The following CACNA2D1 variants were observed in gnomAD, a reference collection of about 807,000 sequenced individuals.
CACNA2D1 encodes voltage-dependent calcium channel subunit alpha-2/delta-1.
A neutral mutation model predicts 171.5 loss-of-function variants in CACNA2D1; 53 were observed. The ratio of observed to expected loss-of-function variants is 0.31; its 90% CI spans 0.25 to 0.39. The LOEUF (loss-of-function observed/expected upper bound fraction) is 0.39. Among genes scored for constraint, CACNA2D1 ranks in the 10% least tolerant of loss-of-function variants. CACNA2D1 has a pLI of 1.00. For synonymous variants in CACNA2D1, 442 were observed against 443.1 expected (o/e 1.00, Z 0.03); for missense variants, 903 against 1,299.8 (o/e 0.69, Z 4.69).
rs1301158091 is a variant in CACNA2D1, at chr7:81,946,486, G to A, written c.*3906C>T. On this transcript the variant is annotated 3_prime_UTR_variant, in exon 39 of 39. Coordinates refer to ENST00000356860, the MANE Select transcript of CACNA2D1 (RefSeq NM_000722.4). ...CTTTTATTCTGAATATACTGTTTTT[G>A]CACAAGATTTAACACAACATTTTCT... 6.6e-6 allele frequency: 1 copy of A among 151,962 alleles called. No individual in the cohort carries two copies. Among genetic ancestry groups the A allele is most frequent in the Non-Finnish European group, 1.5e-5 (1 of 67,978 alleles). The allele number at this position is 151,962 out of a possible 1,614,324, so 9.4% of individuals were successfully genotyped here. A position where few individuals can be genotyped will look rare whatever the true frequency, so the allele number is the denominator to read the frequency against.
chr7:82,405,247 T>TA (rs1043043425), intron 1 of CACNA2D1, among the ~76,000 whole-genome samples: 84 of 152,240 alleles, frequency 5.5e-4, no homozygotes, highest in African/African-American at 1.6e-3. Flanking sequence ...AGTAGTAACA[T>TA]AAAAAAATAG....
At chr7:82,431,159 T>G (rs1829640252) in intron 1 of CACNA2D1, among the ~76,000 whole-genome samples, 1 of 152,202 alleles carries the variant, frequency 6.6e-6, no homozygotes, top group South Asian at 2.1e-4. Context: ...GATGAAAGAC[T>G]GCACAGGTTT....
chr7:82,274,445 A>T (rs1276006884), intron 3 of CACNA2D1, among the ~76,000 whole-genome samples: 1 of 152,174 alleles, frequency 6.6e-6, no homozygotes, highest in Non-Finnish European at 1.5e-5. Flanking sequence ...AATAGCAAAA[A>T]TTCATGAAAC....
chr7:82,366,172 C>T (rs1285607492), intron 1 of CACNA2D1, among the ~76,000 whole-genome samples: 1 of 152,132 alleles, frequency 6.6e-6, no homozygotes, highest in African/African-American at 2.4e-5. Flanking sequence ...TTGTGTCATC[C>T]GTAGTATTTG....
chr7:81,948,725 CATTTTA>C lies in CACNA2D1; in HGVS notation c.*1661_*1666del, dbSNP rs1303365747. 1 of 151,856 alleles carries C rather than the reference CATTTTA, an allele frequency of 6.6e-6. No individual in the cohort carries two copies. The highest frequency in any genetic ancestry group is 2.4e-5 in the African/African-American group (1 of 41,390). The allele number at this position is 151,856 out of a possible 1,614,324, so 9.4% of individuals were successfully genotyped here. A position where few individuals can be genotyped will look rare whatever the true frequency, so the allele number is the denominator to read the frequency against. The stretch of plus-strand genomic sequence containing the variant: ...GCATGTTCCAAAAAAAGAAAAACTG[CATTTTA>C]TCATAAAAAATATCTACATACGTTC... On this transcript the variant is annotated 3_prime_UTR_variant, in exon 39 of 39. Coordinates refer to ENST00000356860, the MANE Select transcript of CACNA2D1 (RefSeq NM_000722.4).
At chr7:82,228,694 A>G (rs976973393) in intron 3 of CACNA2D1, among the ~76,000 whole-genome samples, 3 of 152,148 alleles carry the variant, frequency 2.0e-5, no homozygotes, top group Non-Finnish European at 2.9e-5. Flanking sequence ...GAACTTAATA[A>G]AATAGTGTAT....
intron 7 of CACNA2D1, among the ~76,000 whole-genome samples, chr7:82,073,706 T>C (rs1221027163): frequency 6.6e-6 from 1 of 152,166 alleles, no homozygotes; most frequent in Non-Finnish European, 1.5e-5. Flanking sequence ...GTTCAAGTGA[T>C]TCTCCTGCCT....
intron 9 of CACNA2D1, among the ~76,000 whole-genome samples, chr7:82,061,836 G>A (rs1052582294): frequency 1.4e-4 from 22 of 152,132 alleles, no homozygotes; most frequent in Non-Finnish European, 2.1e-4. Flanking sequence ...CTCTTGTGCT[G>A]AGCCCACTTT....
At chr7:82,083,085 A>G (rs1455938839) in intron 7 of CACNA2D1, among the ~76,000 whole-genome samples, 1 of 150,822 alleles carries the variant, frequency 6.6e-6, no homozygotes, top group Non-Finnish European at 1.5e-5. Flanking sequence ...CTTCCTCTAT[A>G]TCATCATTTT....
At chr7:82,335,619 G>A (rs1445729308) in intron 2 of CACNA2D1, among the ~76,000 whole-genome samples, 1 of 152,110 alleles carries the variant, frequency 6.6e-6, no homozygotes, top group African/African-American at 2.4e-5. Context: ...AATGGAGCAT[G>A]GGAGGTCAAA....
chr7:82,057,093 T>C (rs891717707), intron 10 of CACNA2D1, among the ~76,000 whole-genome samples: 1 of 152,180 alleles, frequency 6.6e-6, no homozygotes, highest in Non-Finnish European at 1.5e-5. Context: ...TTTTGAACCA[T>C]GGTGCTATGT....
At chr7:82,323,306 T>G (rs1016705908) in intron 3 of CACNA2D1, among the ~76,000 whole-genome samples, 4 of 152,204 alleles carry the variant, frequency 2.6e-5, no homozygotes, top group Non-Finnish European at 5.9e-5. Context: ...ATTTTTTTCT[T>G]TTTTTGCCTC....
chr7:82,279,929 T>C (rs1809865671), intron 3 of CACNA2D1, among the ~76,000 whole-genome samples: 1 of 152,190 alleles, frequency 6.6e-6, no homozygotes, highest in Non-Finnish European at 1.5e-5. Flanking sequence ...ACAGCTTAAG[T>C]GATCAAAACT....
Position 81,947,364 on chromosome 7 carries a change from A to G in CACNA2D1, c.*3028T>C, listed in dbSNP as rs750953763. ...TCCCAAGTTAAGCAGTAACACCTCA[A>G]GCATTAGAAACATGAAAAAAGATCA... On this transcript the variant is annotated 3_prime_UTR_variant, in exon 39 of 39. Transcript: ENST00000356860. 5 of 151,768 alleles carry G rather than the reference A, an allele frequency of 3.3e-5. No homozygotes were observed. Among genetic ancestry groups the G allele is most frequent in the African/African-American group, 7.2e-5 (3 of 41,388 alleles). The allele number at this position is 151,768 out of a possible 1,614,324, so 9.4% of individuals were successfully genotyped here.
intron 11 of CACNA2D1, among the ~76,000 whole-genome samples, chr7:82,037,080 T>A (rs2131191196): frequency 1.3e-5 from 2 of 152,308 alleles, no homozygotes; most frequent in Middle Eastern, 6.8e-3. Flanking sequence ...ATAATAATAT[T>A]GCCTAGTAAG....
intron 3 of CACNA2D1, among the ~76,000 whole-genome samples, chr7:82,218,162 C>T (rs1481024756): frequency 6.6e-6 from 1 of 152,042 alleles, no homozygotes; most frequent in Non-Finnish European, 1.5e-5. Context: ...TCTCGATCTC[C>T]TGACCTCGTG....
At chr7:81,992,065 G>A (rs945497847) in intron 20 of CACNA2D1, among the ~76,000 whole-genome samples, 2 of 149,568 alleles carry the variant, frequency 1.3e-5, no homozygotes, top group Admixed American at 6.7e-5. Context: ...GGACGGTCTC[G>A]ATCTCCTGAC....
chr7:82,043,349 A>C (rs897265902), intron 10 of CACNA2D1, among the ~76,000 whole-genome samples: 1 of 152,170 alleles, frequency 6.6e-6, no homozygotes, highest in Non-Finnish European at 1.5e-5. Flanking sequence ...TTGTTTTAAA[A>C]ATTATTTTAG....
At chr7:82,283,810 G>T (rs1810422231) in intron 3 of CACNA2D1, among the ~76,000 whole-genome samples, 1 of 151,962 alleles carries the variant, frequency 6.6e-6, no homozygotes, top group South Asian at 2.1e-4. Flanking sequence ...CAAATTAGCA[G>T]ATATATAATT....
Sources: gnomAD v4.1 joint callset for allele counts (sites outside exome capture counted in the v4.1 genomes callset) on GRCh38, gnomAD v4.1.1 for gene constraint, MANE v1.5 for transcripts, NCBI Gene and HGNC (gene_info 2026-07-23, HGNC 2026-07-21) for gene names.